The following PPP4R1 variants were observed in gnomAD, a reference collection of about 807,000 sequenced individuals.
PPP4R1 encodes protein phosphatase 4 regulatory subunit 1.
In PPP4R1, 42 loss-of-function variants were observed where a neutral mutation model predicts 111.2. The ratio of observed to expected loss-of-function variants is 0.38; its 90% confidence interval spans 0.29 to 0.49. PPP4R1 has a LOEUF of 0.49. PPP4R1 is among the 20% of genes least tolerant of loss of function. The pLI, the probability that PPP4R1 is intolerant of heterozygous loss-of-function variation, is 0.97. For missense variants in PPP4R1, 1,012 were observed against 1,161.6 expected, an observed-to-expected ratio of 0.87 and a Z score of 1.87; for synonymous variants, 409 against 405.5, an observed-to-expected ratio of 1.01 and a Z score of -0.10.
chr18:9,553,327 C>T lies in PPP4R1; in HGVS notation c.2286G>A (p.Leu762=). ...AATAAACTGTTAGAACTTACTCAGC[C>T]AGTTCAGCTCGAAACCGCCAATTTC... ...NSRNWRFRAE[L]AEQLILLLEL... The change falls in exon 16 of 20, where the codon CTG becomes CTA. Residue 762 remains leucine (L), a synonymous_variant. Transcript: ENST00000400556. The T allele has an allele frequency of 6.4e-7, 1 of 1,573,024 alleles. No individual in the cohort carries two copies. Among genetic ancestry groups the T allele is most frequent in the Non-Finnish European group, 8.7e-7 (1 of 1,143,376 alleles).
At chr18:9,582,392 C>A (rs989826005) in intron 9 of PPP4R1, among the ~76,000 whole-genome samples, 1 of 152,016 alleles carries the variant, frequency 6.6e-6, no homozygotes, top group South Asian at 2.1e-4. Context: ...ATAAAGGAAT[C>A]CTATGTATAA....
Position 9,614,014 on chromosome 18 carries a change from T to TCC in PPP4R1, c.52+210_52+211dup, listed in dbSNP as rs1377215092. 1 of 311,748 alleles carries TCC rather than the reference T, an allele frequency of 3.2e-6. No homozygotes were observed. The highest frequency in any genetic ancestry group is 5.7e-6 in the Non-Finnish European group (1 of 174,388). 19.3% of individuals were successfully genotyped at this position (311,748 alleles called of 1,614,324 possible). ...GGCGGAAAGCGAACTTGGGCGTTACTCCGGGCGTCTCCCTCCCCCAGCGGA... is the reference window on the plus strand; with the variant it reads ...GGCGGAAAGCGAACTTGGGCGTTACTCCCCGGGCGTCTCCCTCCCCCAGCGGA... On this transcript the variant is annotated intron_variant, in intron 2 of 19. Coordinates refer to ENST00000400556, the MANE Select transcript of PPP4R1 (RefSeq NM_001042388.3). The surrounding 1 kb of genome is among the most constrained non-coding windows in gnomAD (Gnocchi z 4.1).
intron 14 of PPP4R1, among the ~76,000 whole-genome samples, chr18:9,558,099 G>A (rs1294084113): frequency 6.6e-6 from 1 of 152,082 alleles, no homozygotes; most frequent in Admixed American, 6.6e-5. Context: ...TTTTCTCCAT[G>A]GTGCCTTAAT....
At chr18:9,549,894 G>A (rs1254666250) in intron 18 of PPP4R1, 158 bp downstream of exon 18, 1 of 1,112,382 alleles carries the variant, frequency 9.0e-7, no homozygotes, top group Non-Finnish European at 1.2e-6. Flanking sequence ...GCCACCAGAT[G>A]CCCAACAATG....
chr18:9,578,699 G>A (rs781599098), intron 9 of PPP4R1, among the ~76,000 whole-genome samples: 4 of 151,996 alleles, frequency 2.6e-5, no homozygotes, highest in African/African-American at 9.7e-5. Flanking sequence ...CATAAAAAAT[G>A]ACTCAATTGA....
rs907311619 is a variant in PPP4R1, at chr18:9,575,972, C to T, written c.1046+1092G>A. 2.6e-5 allele frequency among the ~76,000 whole-genome samples: 4 copies of T among 152,330 alleles called. No individual in the cohort carries two copies. The South Asian group carries it at 8.3e-4, about 32-fold the overall frequency. ...ATAGATAACATTCCCCACCCACCAT[C>T]ATCACTTTTGTCAAAGTCCTGGCAG... On this transcript the variant is annotated intron_variant, in intron 10 of 19. Coordinates refer to ENST00000400556, the MANE Select transcript of PPP4R1 (RefSeq NM_001042388.3).
Position 9,550,409 on chromosome 18 carries a change from G to C in PPP4R1, c.2292-11C>G, listed in dbSNP as rs769755090. ...AGTAAAATCAGCTGTCTACAAAAAG[G>C]AATTACAAAAAGACAATGTTTAAAA... On this transcript the variant is annotated splice_polypyrimidine_tract_variant and intron_variant, in intron 16 of 19. Transcript: ENST00000400556. 1 of 1,571,524 alleles carries C rather than the reference G, an allele frequency of 6.4e-7. No individual in the cohort carries two copies. Among genetic ancestry groups the C allele is most frequent in the South Asian group, 1.2e-5 (1 of 85,610 alleles).
At position 9,588,109 on chromosome 18, in the gene PPP4R1, C is replaced by A. The variant is rs747832603; in HGVS notation, c.565G>T (p.Val189Leu). The change falls in exon 6 of 20, where the codon GTG becomes TTG. Residue 189 changes from valine to leucine, a missense_variant. Val to Leu is a conservative substitution (Grantham distance 32, BLOSUM62 1). Around this residue, in one of 2 missense-constraint regions of PPP4R1, gnomAD observed 707 missense variants for 742.1 expected, o/e 0.95. Coordinates refer to ENST00000400556, the MANE Select transcript of PPP4R1 (RefSeq NM_001042388.3). ...ELTAPDSNDD[V>L]KTEAVAIMCK... ...CTTACAGCCACAGCTTCTGTTTTCA[C>A]ATCATCATTGCTATCTGGGGCTGTC... is the stretch of plus-strand genomic sequence containing the variant. The A allele has an allele frequency of 6.2e-7, 1 of 1,614,008 alleles. No individual in the cohort carries two copies. Among genetic ancestry groups the A allele is most frequent in the Admixed American group, 1.7e-5 (1 of 59,984 alleles).
intron 11 of PPP4R1, among the ~76,000 whole-genome samples, chr18:9,567,954 T>C (rs2066796311): frequency 1.3e-5 from 2 of 152,194 alleles, no homozygotes; most frequent in African/African-American, 4.8e-5. Context: ...TTTTTTAGTA[T>C]TTTTTCAATG....
chr18:9,614,175 C>G lies in PPP4R1; in HGVS notation c.52+51G>C. On this transcript the variant is annotated intron_variant, in intron 2 of 19. Coordinates refer to ENST00000400556, the MANE Select transcript of PPP4R1 (RefSeq NM_001042388.3). This position sits in a 1 kb window ranked among gnomAD's most constrained non-coding sequence, Gnocchi z 4.1. Reference sequence around the variant, plus strand: ...CCAGGCCTCGCCGCCGCCCGCCCTCCCCGGCCGCTCCCCGCGGACTGCCAG... The same window carrying G: ...CCAGGCCTCGCCGCCGCCCGCCCTCGCCGGCCGCTCCCCGCGGACTGCCAG... The G allele has an allele frequency of 7.6e-7, 1 of 1,312,186 alleles. No individual in the cohort carries two copies. The highest frequency in any genetic ancestry group is 1.9e-5 in the South Asian group (1 of 52,344). 81.3% of individuals were successfully genotyped at this position (1,312,186 alleles called of 1,614,324 possible).
intron 7 of PPP4R1, 59 bp downstream of exon 7, chr18:9,584,662 G>A (rs2067086349): frequency 6.2e-7 from 1 of 1,602,138 alleles, no homozygotes; most frequent in East Asian, 2.2e-5. Context: ...TCATGTATCA[G>A]TACATTAACC....
chr18:9,563,319 A>G (rs2066708222), intron 12 of PPP4R1, 59 bp downstream of exon 12: 2 of 1,481,572 alleles, frequency 1.3e-6, no homozygotes, highest in Admixed American at 2.1e-5. Context: ...CTATTCCCCA[A>G]TGAAAGACTT....
At position 9,546,848 on chromosome 18, in the gene PPP4R1, G is replaced by A. The variant is rs2066409571; in HGVS notation, c.*941C>T. The A allele has an allele frequency of 6.6e-6, 1 of 152,154 alleles. No individual in the cohort carries two copies. The highest frequency in any genetic ancestry group is 2.1e-4 in the South Asian group (1 of 4,818). The allele number at this position is 152,154 out of a possible 1,614,324, so 9.4% of individuals were successfully genotyped here. A position where few individuals can be genotyped will look rare whatever the true frequency, so the allele number is the denominator to read the frequency against. On this transcript the variant is annotated 3_prime_UTR_variant, in exon 20 of 20. Transcript: ENST00000400556. Reference sequence around the variant, plus strand: ...TTCCCCACTTTAAATCATTAATACAGGTCACAAATTGCATTTATTGGTAGA... The same window carrying A: ...TTCCCCACTTTAAATCATTAATACAAGTCACAAATTGCATTTATTGGTAGA...
At chr18:9,569,367 C>T (rs329002) in intron 11 of PPP4R1, among the ~76,000 whole-genome samples, 17,790 of 152,190 alleles carry the variant, frequency 0.12, 1,262 homozygotes, top group Middle Eastern at 0.24. Context: ...TCCTCCCCCA[C>T]GCCCGAGACA....
chr18:9,616,746 AT>A (rs1244809651), upstream of PPP4R1, among the ~76,000 whole-genome samples: 1 of 152,250 alleles, frequency 6.6e-6, no homozygotes, highest in African/African-American at 2.4e-5. Context: ...TATGTACCAA[AT>A]GCTAGCCTAG....
intron 2 of PPP4R1, among the ~76,000 whole-genome samples, chr18:9,605,621 T>C (rs1598963751): frequency 8.8e-6 from 1 of 113,946 alleles, no homozygotes; most frequent in Non-Finnish European, 1.9e-5. Context: ...AATCAAATCA[T>C]GAGGAAACAG....
At chr18:9,607,183 AC>A (rs947461951) in intron 2 of PPP4R1, among the ~76,000 whole-genome samples, 1 of 152,034 alleles carries the variant, frequency 6.6e-6, no homozygotes, top group African/African-American at 2.4e-5. Flanking sequence ...ACATGGCAAA[AC>A]CCCATCTCTA....
intron 16 of PPP4R1, chr18:9,550,606 T>C (rs1204597420): frequency 3.5e-6 from 2 of 577,028 alleles, no homozygotes; most frequent in Non-Finnish European, 6.0e-6. Flanking sequence ...TCAAGTTCCT[T>C]AGAGTGTAAG....
At chr18:9,582,647 G>C (rs2067048582) in intron 9 of PPP4R1, among the ~76,000 whole-genome samples, 1 of 152,120 alleles carries the variant, frequency 6.6e-6, no homozygotes, top group Non-Finnish European at 1.5e-5. Flanking sequence ...AAAAACAGTA[G>C]AGGAGGGAAC....
Sources: gnomAD v4.1 joint callset for allele counts (sites outside exome capture counted in the v4.1 genomes callset) on GRCh38, gnomAD v4.1.1 for gene constraint, gnomAD v4.1.1 regional missense constraint, Gnocchi (gnomAD v3.1) non-coding constraint, MANE v1.5 for transcripts, NCBI Gene and HGNC (gene_info 2026-07-23, HGNC 2026-07-21) for gene names.